Variants in CSMD3 observed in about 807,000 individuals in gnomAD.
CSMD3 encodes the protein CUB and Sushi multiple domains 3.
Under a neutral mutation model 435.2 loss-of-function variants are expected in CSMD3, and 177 were observed. The observed-to-expected ratio is 0.41, with a 90% CI of 0.36 to 0.46. The LOEUF is 0.46. Ranked by LOEUF, CSMD3 falls within the 20% of genes least tolerant of loss-of-function variation. The pLI is 0.34. For synonymous variants in CSMD3, 1,656 were observed against 1,520.5 expected, an observed-to-expected ratio of 1.09 and a Z score of -2.07; for missense variants, 4,265 against 4,504.6, an observed-to-expected ratio of 0.95 and a Z score of 1.52.
intron 10 of CSMD3, among the ~76,000 whole-genome samples, chr8:112,888,126 G>C (rs2081664686): frequency 6.6e-6 from 1 of 151,628 alleles, no homozygotes. Flanking sequence ...CTGGAGATTA[G>C]CACAAACAAT....
Position 112,528,364 on chromosome 8 carries a change from C to A in CSMD3, c.4565-11139G>T, listed in dbSNP as rs909122979. Among the ~76,000 whole-genome samples the A allele has an allele frequency of 4.6e-5, 7 of 151,936 alleles. No individual in the cohort carries two copies. In the East Asian group the frequency reaches 1.2e-3, roughly 25 times the overall value. On this transcript the variant is annotated intron_variant, in intron 27 of 70. Coordinates refer to ENST00000297405, the MANE Select transcript of CSMD3 (RefSeq NM_198123.2). ...TACACTCTTAGGTCTAAAGTCCCAA[C>A]ATATACCAGGATTTAAACACAGTAA...
intron 39 of CSMD3, 55 bp downstream of exon 39, chr8:112,352,361 A>T: frequency 6.2e-6 from 10 of 1,608,436 alleles, no homozygotes; most frequent in Non-Finnish European, 8.5e-6. Flanking sequence ...ATTGATTTGT[A>T]AAATATTCTG....
chr8:113,361,438 G>A (rs1215768136), intron 1 of CSMD3, among the ~76,000 whole-genome samples: 3 of 151,946 alleles, frequency 2.0e-5, no homozygotes, highest in African/African-American at 7.2e-5. Context: ...CTTAACAAAA[G>A]TATTTTCTTA....
Position 113,113,389 on chromosome 8 carries a change from T to C in CSMD3, c.710-14426A>G, listed in dbSNP as rs192595451. 7.2e-5 allele frequency among the ~76,000 whole-genome samples: 11 copies of C among 152,264 alleles called. 1 individual carries two copies. Among genetic ancestry groups the C allele is most frequent in the Admixed American group, 5.9e-4 (9 of 15,286 alleles). On this transcript the variant is annotated intron_variant, in intron 4 of 70. Transcript: ENST00000297405. The stretch of plus-strand genomic sequence containing the variant: ...GTTGCATCTCTTTCCTCTGAGGAAA[T>C]GAATAAATTTCTATTCCACATTTAA...
At chr8:112,374,237 A>G (rs1192273472) in intron 38 of CSMD3, among the ~76,000 whole-genome samples, 3 of 152,182 alleles carry the variant, frequency 2.0e-5, no homozygotes, top group African/African-American at 7.2e-5. Flanking sequence ...AAAGAATGTT[A>G]GTTATCCTTT....
At chr8:112,936,108 A>G (rs912034007) in intron 9 of CSMD3, among the ~76,000 whole-genome samples, 3 of 152,116 alleles carry the variant, frequency 2.0e-5, no homozygotes, top group Admixed American at 6.6e-5. Flanking sequence ...CTGTTGTCAC[A>G]GACTTCCTCG....
chr8:112,492,673 T>C lies in CSMD3; in HGVS notation c.5094A>G (p.Arg1698=), dbSNP rs1820816464. Residue 1698 remains arginine (R), a synonymous_variant, in exon 31 of 71, where the codon CGA becomes CGG. Coordinates refer to ENST00000297405, the MANE Select transcript of CSMD3 (RefSeq NM_198123.2). ...TATTGCCTGGATCAAAGCAGGACTC[T>C]CGCAGTTTTGCTGTAAAACAGTGTT... ...GFHLEYKAKL[R]ESCFDPGNIM... is the part of the protein sequence containing the mutation. 2 of 1,613,496 alleles carry C rather than the reference T, an allele frequency of 1.2e-6. No individual in the cohort carries two copies. Among genetic ancestry groups the C allele is most frequent in the Admixed American group, 3.3e-5 (2 of 59,992 alleles).
intron 18 of CSMD3, among the ~76,000 whole-genome samples, chr8:112,655,486 G>GA (rs58959000): frequency 0.029 from 4,387 of 151,674 alleles, 230 homozygotes; most frequent in African/African-American, 0.099. Flanking sequence ...TTTATAAATG[G>GA]AAAAAAAGCC....
At chr8:112,564,712 C>A (rs1828929772) in intron 24 of CSMD3, among the ~76,000 whole-genome samples, 1 of 151,986 alleles carries the variant, frequency 6.6e-6, no homozygotes, top group African/African-American at 2.4e-5. Flanking sequence ...TTGGCAGAAT[C>A]TAAGCAGAGA....
At chr8:112,368,960 A>T (rs1828055213) in intron 38 of CSMD3, among the ~76,000 whole-genome samples, 1 of 152,172 alleles carries the variant, frequency 6.6e-6, no homozygotes. Flanking sequence ...CTTTTTAAAC[A>T]TATAATGATA....
At chr8:112,679,092 T>TG (rs2075830387) in intron 16 of CSMD3, among the ~76,000 whole-genome samples, 1 of 149,956 alleles carries the variant, frequency 6.7e-6, no homozygotes, top group African/African-American at 2.4e-5. Flanking sequence ...CAGGTTTTTT[T>TG]TTTTTTTTTT....
At chr8:112,570,915 G>A (rs1829458701) in intron 24 of CSMD3, among the ~76,000 whole-genome samples, 1 of 152,100 alleles carries the variant, frequency 6.6e-6, no homozygotes, top group East Asian at 1.9e-4. Context: ...CCCTTTTTAA[G>A]AATGACAGCT....
Position 112,685,511 on chromosome 8 carries a change from C to G in CSMD3, c.2377G>C (p.Gly793Arg), listed in dbSNP as rs2075991199. Residue 793 changes from glycine to arginine, a missense_variant, in exon 15 of 71, where the codon GGG (glycine) becomes CGG (arginine). Gly to Arg is a moderately radical substitution (Grantham distance 125). This residue lies in a region of CSMD3 where 279 missense variants were observed against 369.0 expected (regional missense o/e 0.76). Transcript: ENST00000297405. ...GTAAGATGGGAAGGCACCTCAGCCC[C>G]AGTAAAGGTTCCAAGAATTGGGGAT... ...PESPILGTFTGAEVPSHLTSN... is the reference protein window; with the variant it reads ...PESPILGTFTRAEVPSHLTSN... 6.2e-7 allele frequency: 1 copy of G among 1,613,852 alleles called. No homozygotes were observed.
At chr8:113,065,753 T>C (rs1276225942) in intron 5 of CSMD3, among the ~76,000 whole-genome samples, 1 of 152,120 alleles carries the variant, frequency 6.6e-6, no homozygotes, top group African/African-American at 2.4e-5. Context: ...AGACCCTCCA[T>C]TATGATGTCA....
chr8:112,538,258 C>T (rs573186284), intron 27 of CSMD3, among the ~76,000 whole-genome samples: 35 of 152,052 alleles, frequency 2.3e-4, no homozygotes. Context: ...AGGGAAATGT[C>T]GACAGCCTTT....
At chr8:112,414,252 A>T (rs1811668486) in intron 32 of CSMD3, among the ~76,000 whole-genome samples, 1 of 152,102 alleles carries the variant, frequency 6.6e-6, no homozygotes, top group Non-Finnish European at 1.5e-5. Flanking sequence ...TTGAATTGTA[A>T]TCCCAATAAT....
At chr8:113,396,943 A>G (rs1368187759) in intron 1 of CSMD3, among the ~76,000 whole-genome samples, 1 of 152,178 alleles carries the variant, frequency 6.6e-6, no homozygotes, top group Non-Finnish European at 1.5e-5. Context: ...TTCCCAGCAC[A>G]TAGAACAGTA....
intron 67 of CSMD3, among the ~76,000 whole-genome samples, chr8:112,235,480 G>A (rs1813484133): frequency 6.6e-6 from 1 of 152,130 alleles, no homozygotes; most frequent in Admixed American, 6.6e-5. Context: ...AGAATTTTTA[G>A]TTTGGGAAGG....
intron 6 of CSMD3, among the ~76,000 whole-genome samples, chr8:113,016,510 T>G (rs570240603): frequency 6.6e-6 from 1 of 151,944 alleles, no homozygotes; most frequent in South Asian, 2.1e-4. Flanking sequence ...TCATGGTATT[T>G]AATAAAGGAT....
Sources: gnomAD v4.1 joint callset for allele counts (sites outside exome capture counted in the v4.1 genomes callset) on GRCh38, gnomAD v4.1.1 for gene constraint, gnomAD v4.1.1 regional missense constraint, MANE v1.5 for transcripts, NCBI Gene and HGNC (gene_info 2026-07-23, HGNC 2026-07-21) for gene names.